Variants in HGF observed in about 807,000 individuals in gnomAD.
HGF encodes fibroblast-derived tumor cytotoxic factor.
HGF carries 39 observed loss-of-function variants against 111.6 expected under a neutral mutation model. That is an observed-to-expected ratio of 0.35 (90% CI 0.27 to 0.46). The LOEUF (loss-of-function observed/expected upper bound fraction) is 0.46, where lower values mean the gene tolerates loss of function less well. Ranked by LOEUF, HGF falls within the 20% of genes least tolerant of loss-of-function variation. The pLI is 1.00. For missense variants in HGF, 735 were observed against 910.5 expected, an observed-to-expected ratio of 0.81 and a Z score of 2.48; for synonymous variants, 285 against 294.8, an observed-to-expected ratio of 0.97 and a Z score of 0.34.
Position 81,743,429 on chromosome 7 carries a change from G to A in HGF, c.789C>T (p.Pro263=), listed in dbSNP as rs147312555. The change falls in exon 7 of 18, where the codon CCC becomes CCT. Residue 263 remains proline (P), a synonymous_variant. Transcript: ENST00000222390. The part of the protein sequence containing the change: ...KGFDDNYCRN[P]DGQPRPWCYT... ...AGCACCATGGCCTCGGCTGGCCATC[G>A]GGATTGCGGCAATAATTATCATCAA... 33 of 1,613,608 alleles carry A rather than the reference G, an allele frequency of 2.0e-5. No homozygotes were observed. The highest frequency in any genetic ancestry group is 1.1e-4 in the East Asian group (5 of 44,858).
Position 81,701,101 on chromosome 7 carries a change from A to G in HGF, c.*1480T>C, listed in dbSNP as rs1789267296. ...TGTTATTCTATTTCTCAACAAATAC[A>G]TGATCTTTAGCTAAGCATGACAAAT... On this transcript the variant is annotated 3_prime_UTR_variant, in exon 18 of 18. Transcript: ENST00000222390. 6.6e-6 allele frequency: 1 copy of G among 151,650 alleles called. No individual in the cohort carries two copies. The highest frequency in any genetic ancestry group is 6.6e-5 in the Admixed American group (1 of 15,152). 9.4% of individuals were successfully genotyped at this position (151,650 alleles called of 1,614,324 possible). A position where few individuals can be genotyped will look rare whatever the true frequency, so the allele number is the denominator to read the frequency against.
intron 4 of HGF, chr7:81,756,278 G>A: frequency 5.8e-6 from 3 of 521,674 alleles, no homozygotes; most frequent in South Asian, 5.5e-5. Flanking sequence ...TACCCGCTGT[G>A]TGGTTCTCAT....
chr7:81,729,430 C>G (rs1376747298), intron 8 of HGF, among the ~76,000 whole-genome samples, 175 bp downstream of exon 8: 1 of 152,130 alleles, frequency 6.6e-6, no homozygotes. Flanking sequence ...AGGACCAAAT[C>G]CCAGATTAAG....
chr7:81,751,584 A>G (rs1046242599), intron 5 of HGF: 1 of 994,710 alleles, frequency 1.0e-6, no homozygotes, highest in Non-Finnish European at 1.2e-6. Flanking sequence ...GTTCCAGCCT[A>G]CGTGTCACAT....
At chr7:81,750,291 A>C (rs980805241) in intron 5 of HGF, among the ~76,000 whole-genome samples, 8 of 152,168 alleles carry the variant, frequency 5.3e-5, no homozygotes, top group African/African-American at 1.9e-4. Context: ...TAGTCTCCAA[A>C]ATATGTTTAA....
chr7:81,742,941 G>A (rs1204811834), intron 7 of HGF: 2 of 1,613,194 alleles, frequency 1.2e-6, no homozygotes, highest in African/African-American at 1.3e-5. Flanking sequence ...GAGAGCCCAT[G>A]TTATGTCTCT....
chr7:81,769,876 G>A lies in HGF; in HGVS notation c.88+8C>T, dbSNP rs1313911594. On this transcript the variant is annotated splice_region_variant and intron_variant, in intron 1 of 17. Coordinates refer to ENST00000222390, the MANE Select transcript of HGF (RefSeq NM_000601.6). ...ATACTAATAATGAAGAAGAAGAAGG[G>A]AACTAACCTGCATAGGGGATGGCGA... 1.9e-6 allele frequency: 3 copies of A among 1,553,818 alleles called. No homozygotes were observed. Among genetic ancestry groups the A allele is most frequent in the South Asian group, 2.4e-5 (2 of 84,348 alleles).
At chr7:81,707,456 T>C (rs1789457347) in intron 13 of HGF, 92 bp from the exon 14 acceptor site, 6 of 757,884 alleles carry the variant, frequency 7.9e-6, no homozygotes, top group South Asian at 7.1e-5. Context: ...TTGTTAAAAA[T>C]AAATACACTG....
chr7:81,707,469 G>A, intron 13 of HGF, 105 bp from the exon 14 acceptor site: 1 of 713,504 alleles, frequency 1.4e-6, no homozygotes. Flanking sequence ...ATACACTGCA[G>A]AGGAAAATAT....
chr7:81,754,350 G>C (rs1197150139), intron 4 of HGF, among the ~76,000 whole-genome samples: 1 of 151,782 alleles, frequency 6.6e-6, no homozygotes, highest in Non-Finnish European at 1.5e-5. Context: ...TTTGAGAGAG[G>C]ATTTTTGTCC....
At chr7:81,737,592 C>A (rs988804665) in intron 7 of HGF, among the ~76,000 whole-genome samples, 2 of 151,882 alleles carry the variant, frequency 1.3e-5, no homozygotes, top group Admixed American at 1.3e-4. Flanking sequence ...AGACTGATGG[C>A]AAAAGCAAAT....
chr7:81,732,679 T>TA (rs1787705935), intron 7 of HGF, among the ~76,000 whole-genome samples: 2 of 152,092 alleles, frequency 1.3e-5, no homozygotes, highest in African/African-American at 2.4e-5. Context: ...CACAATTCAT[T>TA]AAAAAATCAA....
intron 5 of HGF, chr7:81,751,772 G>A: frequency 8.2e-6 from 9 of 1,102,940 alleles, no homozygotes; most frequent in Non-Finnish European, 1.0e-5. Context: ...CTAATGAAAG[G>A]CTAAGCTTCA....
At chr7:81,708,810 C>G (rs1295208540) in intron 13 of HGF, among the ~76,000 whole-genome samples, 2 of 151,872 alleles carry the variant, frequency 1.3e-5, no homozygotes, top group Non-Finnish European at 2.9e-5. Flanking sequence ...TTTACTAAAT[C>G]CTCATACTGC....
intron 13 of HGF, among the ~76,000 whole-genome samples, chr7:81,709,292 G>A (rs1190666974): frequency 6.6e-6 from 1 of 152,098 alleles, no homozygotes; most frequent in African/African-American, 2.4e-5. Context: ...AGGAAGAAAC[G>A]TGAGGTATCT....
intron 10 of HGF, among the ~76,000 whole-genome samples, chr7:81,718,209 T>C (rs1789763156): frequency 6.6e-6 from 1 of 152,202 alleles, no homozygotes; most frequent in South Asian, 2.1e-4. Context: ...ACATGGAAAC[T>C]TGGACTATAT....
At chr7:81,704,098 T>C (rs780752345) in intron 17 of HGF, among the ~76,000 whole-genome samples, 1 of 151,836 alleles carries the variant, frequency 6.6e-6, no homozygotes, top group Non-Finnish European at 1.5e-5. Context: ...CAGTGACATA[T>C]ATATTTTTAA....
At chr7:81,712,840 T>G (rs2115814156) in intron 11 of HGF, among the ~76,000 whole-genome samples, 1 of 152,344 alleles carries the variant, frequency 6.6e-6, no homozygotes, top group Non-Finnish European at 1.5e-5. Context: ...TGAGAATTAA[T>G]ATATACTTAT....
At chr7:81,758,591 G>C in intron 3 of HGF, 101 bp downstream of exon 3, 1 of 749,334 alleles carries the variant, frequency 1.3e-6, no homozygotes, top group Non-Finnish European at 2.4e-6. Flanking sequence ...CTCATATATA[G>C]TAGAAAAATC....
Sources: allele counts gnomAD v4.1 joint callset (sites outside exome capture counted in the v4.1 genomes callset), GRCh38; gene constraint gnomAD v4.1.1; transcripts MANE v1.5; gene names NCBI Gene and HGNC (gene_info 2026-07-23, HGNC 2026-07-21).